The following RLF variants were observed in gnomAD, a reference collection of about 807,000 sequenced individuals.
RLF encodes the protein zinc finger protein Rlf.
In RLF, 7 loss-of-function variants were observed where a neutral mutation model predicts 162.9. That is an observed-to-expected ratio of 0.04 (90% CI 0.02 to 0.08). The LOEUF is 0.08. Among genes scored for constraint, RLF ranks in the 10% least tolerant of loss-of-function variants. RLF has a pLI of 1.00. For missense variants in RLF, 1,664 were observed against 2,244.7 expected, an observed-to-expected ratio of 0.74 and a Z score of 5.23; for synonymous variants, 782 against 791.5, an observed-to-expected ratio of 0.99 and a Z score of 0.20.
chr1:40,221,852 A>T (rs937068209), intron 5 of RLF, among the ~76,000 whole-genome samples: 3 of 143,908 alleles, frequency 2.1e-5, no homozygotes, highest in African/African-American at 7.8e-5. Flanking sequence ...GTGAGCTGAG[A>T]TCGCGCCACT....
At chr1:40,171,678 C>G (rs941228811) in intron 1 of RLF, among the ~76,000 whole-genome samples, 9 of 152,048 alleles carry the variant, frequency 5.9e-5, no homozygotes, top group Non-Finnish European at 1.2e-4. Flanking sequence ...AGTGAAAGTA[C>G]CATATAAACT....
chr1:40,186,360 T>C (rs555797926), intron 1 of RLF, among the ~76,000 whole-genome samples: 59 of 152,290 alleles, frequency 3.9e-4, no homozygotes, highest in Non-Finnish European at 4.7e-4. Context: ...ATAGTGGGTA[T>C]AAGAGATCTC....
At chr1:40,190,037 C>G (rs963224638) in intron 2 of RLF, among the ~76,000 whole-genome samples, 2 of 152,018 alleles carry the variant, frequency 1.3e-5, no homozygotes. Context: ...TTCCTATTTT[C>G]CAGTGGCCCT....
rs12078128 is a variant in RLF at position 40,182,870 on chromosome 1, G to A, written c.238-6185G>A. 9.4e-3 allele frequency among the ~76,000 whole-genome samples: 1,437 copies of A among 152,192 alleles called. 19 individuals carry two copies. Among genetic ancestry groups the A allele is most frequent in the African/African-American group, 0.032 (1,334 of 41,516 alleles). ...TAGAAAATGAGGCAGGGGGCATAGT[G>A]GCAGCATATGTTAAAGACTTAGGGG... On this transcript the variant is annotated intron_variant, in intron 1 of 7. Transcript: ENST00000372771.
At chr1:40,172,591 C>G (rs1448132204) in intron 1 of RLF, among the ~76,000 whole-genome samples, 3 of 152,106 alleles carry the variant, frequency 2.0e-5, no homozygotes, top group Non-Finnish European at 4.4e-5. Context: ...TCGAGACCAG[C>G]CTGGCCAACA....
rs12057722 is a variant in RLF at position 40,220,971 on chromosome 1, A to T, written c.811-1603A>T. 3.0e-3 allele frequency among the ~76,000 whole-genome samples: 364 copies of T among 123,056 alleles called. 1 individual carries two copies. Among genetic ancestry groups the T allele is most frequent in the African/African-American group, 9.1e-3 (296 of 32,368 alleles). The allele number at this position is 123,056 out of a possible 152,430, so 80.7% of individuals were successfully genotyped here. ...GTGAGACCTCATCTCTACAAAAATTAAAAAAAAAAAAAAAAAAAGGTGTGG... is the reference window on the plus strand; with the variant it reads ...GTGAGACCTCATCTCTACAAAAATTTAAAAAAAAAAAAAAAAAAGGTGTGG... On this transcript the variant is annotated intron_variant, in intron 5 of 7. Transcript: ENST00000372771.
intron 3 of RLF, 22 bp downstream of exon 3, chr1:40,190,875 A>G (rs762366862): frequency 1.3e-6 from 2 of 1,546,306 alleles, no homozygotes; most frequent in Admixed American, 1.8e-5. Flanking sequence ...TTAACTCAGA[A>G]AAGTTTTCTG....
Position 40,237,285 on chromosome 1 carries a change from T to C in RLF, c.2583T>C (p.Thr861=). 1 of 1,614,102 alleles carries C rather than the reference T, an allele frequency of 6.2e-7. No homozygotes were observed. Among genetic ancestry groups the C allele is most frequent in the Non-Finnish European group, 8.5e-7 (1 of 1,180,004 alleles). Residue 861 remains threonine (T), a synonymous_variant, in exon 8 of 8, where the codon ACT becomes ACC. Transcript: ENST00000372771. The surrounding 1 kb of genome is among the most constrained non-coding windows in gnomAD (Gnocchi z 4.4). ...CINQPHLLNQ[T]DKSHLPEDLF... is the part of the protein sequence containing the mutation. ...ATCAGCCCCATCTACTTAACCAAAC[T>C]GATAAATCACATTTACCTGAAGATC... is the stretch of plus-strand genomic sequence containing the variant.
intron 1 of RLF, among the ~76,000 whole-genome samples, chr1:40,167,671 C>G (rs1642185832): frequency 6.6e-6 from 1 of 151,684 alleles, no homozygotes; most frequent in East Asian, 1.9e-4. Context: ...TAAAATAGCA[C>G]TTCCCTATTG....
Position 40,161,760 on chromosome 1 carries a change from CG to C in RLF, c.237+127del. On this transcript the variant is annotated intron_variant, in intron 1 of 7. Coordinates refer to ENST00000372771, the MANE Select transcript of RLF (RefSeq NM_012421.4). The surrounding 1 kb of genome is among the most constrained non-coding windows in gnomAD (Gnocchi z 4.4). Reference sequence around the variant, plus strand: ...CCACCTCCGTGACTCGCCGCGCCCCCGGGCCGGGAAGGCCCAGCTCGGAAGC... The same window carrying C: ...CCACCTCCGTGACTCGCCGCGCCCCCGGCCGGGAAGGCCCAGCTCGGAAGC... 3.6e-6 allele frequency: 5 copies of C among 1,377,780 alleles called. No individual in the cohort carries two copies. Among genetic ancestry groups the C allele is most frequent in the Non-Finnish European group, 4.8e-6 (5 of 1,039,048 alleles). The allele number at this position is 1,377,780 out of a possible 1,614,324, so 85.3% of individuals were successfully genotyped here.
chr1:40,232,396 C>G (rs954691135), intron 7 of RLF, among the ~76,000 whole-genome samples: 5 of 152,086 alleles, frequency 3.3e-5, no homozygotes, highest in African/African-American at 9.7e-5. Context: ...TTTATCAGTT[C>G]AGTTTTGTAA....
chr1:40,175,513 G>C (rs1299591402), intron 1 of RLF, among the ~76,000 whole-genome samples: 1 of 152,154 alleles, frequency 6.6e-6, no homozygotes, highest in Non-Finnish European at 1.5e-5. Flanking sequence ...GCTGGGCGTG[G>C]TGGCAGGTGC....
At chr1:40,200,897 C>G (rs937176735) in intron 4 of RLF, among the ~76,000 whole-genome samples, 12 of 119,384 alleles carry the variant, frequency 1.0e-4, no homozygotes, top group South Asian at 5.8e-4. Context: ...CACACACACA[C>G]ACACACACAC....
At chr1:40,212,721 C>G (rs556335905) in intron 5 of RLF, among the ~76,000 whole-genome samples, 58 of 152,266 alleles carry the variant, frequency 3.8e-4, no homozygotes, top group African/African-American at 1.3e-3. Context: ...ATGGTTGTTT[C>G]TTTTCCTGAT....
intron 5 of RLF, among the ~76,000 whole-genome samples, chr1:40,208,628 A>G (rs1272782168): frequency 6.6e-6 from 1 of 152,098 alleles, no homozygotes; most frequent in Non-Finnish European, 1.5e-5. Flanking sequence ...CAGCCTGGGC[A>G]ACATGGTGAA....
At chr1:40,193,122 C>G (rs989565878) in intron 3 of RLF, among the ~76,000 whole-genome samples, 2 of 62,866 alleles carry the variant, frequency 3.2e-5, no homozygotes, top group African/African-American at 1.3e-4. Flanking sequence ...GCAGAGTGGT[C>G]TTAGCAAAAA....
At chr1:40,208,579 C>T (rs941060273) in intron 5 of RLF, among the ~76,000 whole-genome samples, 20 of 152,088 alleles carry the variant, frequency 1.3e-4, no homozygotes, top group African/African-American at 4.6e-4. Context: ...CTTTGGGATG[C>T]TGAGGAGGGA....
chr1:40,214,224 G>T (rs2124548967), intron 5 of RLF, among the ~76,000 whole-genome samples: 2 of 152,298 alleles, frequency 1.3e-5, no homozygotes, highest in Middle Eastern at 6.8e-3. Flanking sequence ...AGACAAAAGG[G>T]AGAGAAACAA....
intron 7 of RLF, 34 bp from the exon 8 acceptor site, chr1:40,235,756 CAA>C (rs748427076): frequency 1.3e-5 from 19 of 1,429,616 alleles, no homozygotes; most frequent in Non-Finnish European, 1.8e-5. Context: ...TTTCTGTATG[CAA>C]AAAAATAATT....
Sources: allele counts gnomAD v4.1 joint callset (sites outside exome capture counted in the v4.1 genomes callset), GRCh38; gene constraint gnomAD v4.1.1; non-coding constraint Gnocchi (gnomAD v3.1); transcripts MANE v1.5; gene names NCBI Gene and HGNC (gene_info 2026-07-23, HGNC 2026-07-21).